KATNIP: variants seen among roughly 807,000 people sequenced by gnomAD.
KATNIP encodes katanin-interacting protein.
A neutral mutation model predicts 174.0 loss-of-function variants in KATNIP; 126 were observed. The observed-to-expected ratio is 0.72, with a 90% confidence interval of 0.63 to 0.84. The LOEUF (loss-of-function observed/expected upper bound fraction) is 0.84, where lower values mean the gene tolerates loss of function less well. KATNIP is among the 40% of genes least tolerant of loss of function. The probability of loss-of-function intolerance (pLI) is 0.00; values close to 1 mark genes in which losing one functional copy is unlikely to be tolerated. For synonymous variants in KATNIP, 810 were observed against 835.7 expected (o/e 0.97, Z 0.53); for missense variants, 1,958 against 2,109.7 (o/e 0.93, Z 1.41).
intron 8 of KATNIP, among the ~76,000 whole-genome samples, chr16:27,691,781 T>C (rs897979965): frequency 3.3e-5 from 5 of 152,232 alleles, no homozygotes; most frequent in African/African-American, 1.2e-4. Flanking sequence ...ATCATGTTGC[T>C]GGAGGAGCAT....
chr16:27,762,069 C>A (rs1649709979), intron 19 of KATNIP, among the ~76,000 whole-genome samples: 1 of 152,160 alleles, frequency 6.6e-6, no homozygotes, highest in Non-Finnish European at 1.5e-5. Flanking sequence ...TGTCAGATTT[C>A]ATAAGCCAAG....
intron 2 of KATNIP, among the ~76,000 whole-genome samples, chr16:27,576,823 G>C (rs1420185258): frequency 6.6e-6 from 1 of 152,158 alleles, no homozygotes; most frequent in Non-Finnish European, 1.5e-5. Context: ...GAAAGGCAAG[G>C]AGAAGACCAG....
chr16:27,702,850 T>G (rs1229913997), intron 11 of KATNIP, among the ~76,000 whole-genome samples: 2 of 152,094 alleles, frequency 1.3e-5, no homozygotes, highest in Admixed American at 1.3e-4. Context: ...GTGGCCATAA[T>G]AAGAACTCGC....
intron 2 of KATNIP, among the ~76,000 whole-genome samples, chr16:27,590,597 C>T (rs557177617): frequency 3.3e-5 from 5 of 152,322 alleles, no homozygotes; most frequent in African/African-American, 1.2e-4. Flanking sequence ...TTTCTGGCTA[C>T]GTCCTGCTTT....
At chr16:27,576,376 G>A (rs574024958) in intron 2 of KATNIP, among the ~76,000 whole-genome samples, 2 of 152,022 alleles carry the variant, frequency 1.3e-5, no homozygotes, top group South Asian at 2.1e-4. Flanking sequence ...TTGGTTTCAG[G>A]CCTTTTGAAA....
At chr16:27,621,239 T>C (rs2076184828) in intron 3 of KATNIP, among the ~76,000 whole-genome samples, 1 of 151,880 alleles carries the variant, frequency 6.6e-6, no homozygotes, top group African/African-American at 2.4e-5. Context: ...GCTATGATTA[T>C]GCCACTGCAC....
At chr16:27,769,655 G>A (rs1021012972) in intron 20 of KATNIP, among the ~76,000 whole-genome samples, 4 of 152,258 alleles carry the variant, frequency 2.6e-5, no homozygotes, top group Non-Finnish European at 5.9e-5. Context: ...AGTGTCCGCT[G>A]TAGCAGGGGG....
chr16:27,628,869 A>G, intron 4 of KATNIP, 39 bp downstream of exon 4: 1 of 1,602,246 alleles, frequency 6.2e-7, no homozygotes, highest in South Asian at 1.1e-5. Context: ...CAGCTCTGTT[A>G]ATCAAAATTA....
intron 2 of KATNIP, among the ~76,000 whole-genome samples, chr16:27,606,500 GACAC>G (rs949880749): frequency 6.7e-6 from 1 of 148,170 alleles, no homozygotes; most frequent in African/African-American, 2.5e-5. Flanking sequence ...CACACACACA[GACAC>G]ACACACACAT....
intron 2 of KATNIP, among the ~76,000 whole-genome samples, chr16:27,614,851 G>A (rs2075995448): frequency 6.6e-6 from 1 of 152,162 alleles, no homozygotes; most frequent in Non-Finnish European, 1.5e-5. Flanking sequence ...GCAACAATCT[G>A]GGGCTCTACA....
At chr16:27,606,079 G>A (rs571166004) in intron 2 of KATNIP, among the ~76,000 whole-genome samples, 2 of 152,250 alleles carry the variant, frequency 1.3e-5, no homozygotes, top group Non-Finnish European at 2.9e-5. Flanking sequence ...GCAGTGAACT[G>A]AGATCGTGCC....
chr16:27,743,629 C>T (rs767495293), intron 15 of KATNIP, among the ~76,000 whole-genome samples: 8 of 152,184 alleles, frequency 5.3e-5, no homozygotes, highest in Non-Finnish European at 8.8e-5. Flanking sequence ...AGGTGCACAG[C>T]ATGCTTGTGG....
At chr16:27,732,219 G>A (rs1180529197) in intron 14 of KATNIP, among the ~76,000 whole-genome samples, 1 of 152,230 alleles carries the variant, frequency 6.6e-6, no homozygotes, top group Non-Finnish European at 1.5e-5. Context: ...GATGCTGGGT[G>A]GGACACGGCA....
At chr16:27,684,437 ACATGCCTGAAAATCAGAGGTTTGAGT>A (rs1158223581) in intron 8 of KATNIP, among the ~76,000 whole-genome samples, 2 of 152,234 alleles carry the variant, frequency 1.3e-5, no homozygotes, top group African/African-American at 4.8e-5. Context: ...CTAAGCAGTA[ACATGCCTGAAAATCAGAGGTTTGAGT>A]CACTTGTTAT....
At chr16:27,634,356 C>T (rs778005139) in intron 5 of KATNIP, among the ~76,000 whole-genome samples, 1 of 152,248 alleles carries the variant, frequency 6.6e-6, no homozygotes, top group Admixed American at 6.5e-5. Context: ...TGCAGGGAGT[C>T]GGGTGCTTAC....
At chr16:27,703,246 T>C (rs2079167971) in intron 11 of KATNIP, among the ~76,000 whole-genome samples, 1 of 152,024 alleles carries the variant, frequency 6.6e-6, no homozygotes, top group Non-Finnish European at 1.5e-5. Flanking sequence ...ACAAGCAGCA[T>C]GCACTCCGCC....
chr16:27,643,868 T>C (rs2076877571), intron 5 of KATNIP, among the ~76,000 whole-genome samples: 1 of 151,970 alleles, frequency 6.6e-6, no homozygotes. Context: ...ACCCCAGGGC[T>C]TCAAGGGAAA....
chr16:27,609,014 C>A (rs771371427), intron 2 of KATNIP, among the ~76,000 whole-genome samples: 1 of 152,146 alleles, frequency 6.6e-6, no homozygotes, highest in Non-Finnish European at 1.5e-5. Flanking sequence ...CATGTTTCTT[C>A]ACACCCCCAA....
intron 14 of KATNIP, among the ~76,000 whole-genome samples, chr16:27,723,427 A>G (rs966457993): frequency 1.3e-5 from 2 of 151,046 alleles, no homozygotes; most frequent in Non-Finnish European, 2.9e-5. Flanking sequence ...TCTGCCTGAT[A>G]TTCCTGGAAA....
Sources: gnomAD v4.1 joint callset for allele counts (sites outside exome capture counted in the v4.1 genomes callset) on GRCh38, gnomAD v4.1.1 for gene constraint, MANE v1.5 for transcripts, NCBI Gene and HGNC (gene_info 2026-07-23, HGNC 2026-07-21) for gene names.